GABRR2: variants seen among roughly 807,000 people sequenced by gnomAD.
GABRR2 encodes the protein gamma-aminobutyric acid receptor subunit rho-2.
GABRR2 carries 36 observed loss-of-function variants against 47.0 expected under a neutral mutation model. The ratio of observed to expected loss-of-function variants is 0.77; its 90% CI spans 0.59 to 1.01. The LOEUF is 1.01. Ranked by LOEUF, GABRR2 falls within the 50% of genes least tolerant of loss-of-function variation. The pLI is 0.00. For synonymous variants in GABRR2, 204 were observed against 227.5 expected (o/e 0.90, Z 0.93); for missense variants, 587 against 594.6 (o/e 0.99, Z 0.13).
At chr6:89,282,576 G>C (rs554163308) in intron 2 of GABRR2, among the ~76,000 whole-genome samples, 1 of 152,220 alleles carries the variant, frequency 6.6e-6, no homozygotes, top group Non-Finnish European at 1.5e-5. Context: ...ATGAAGATGC[G>C]ACTGTTTGTG....
chr6:89,261,133 C>T (rs1336893815), intron 8 of GABRR2, among the ~76,000 whole-genome samples: 1 of 152,164 alleles, frequency 6.6e-6, no homozygotes, highest in African/African-American at 2.4e-5. Flanking sequence ...CAAGTTGTGC[C>T]GGTGAACCGT....
chr6:89,308,288 G>T (rs1431453013), intron 1 of GABRR2, among the ~76,000 whole-genome samples: 1 of 152,130 alleles, frequency 6.6e-6, no homozygotes, highest in Non-Finnish European at 1.5e-5. Flanking sequence ...GCCTAAAGCT[G>T]CACTGATCAA....
At chr6:89,301,313 A>G (rs979153391) in intron 1 of GABRR2, among the ~76,000 whole-genome samples, 1 of 152,204 alleles carries the variant, frequency 6.6e-6, no homozygotes, top group Non-Finnish European at 1.5e-5. Context: ...GAAAACCAGC[A>G]CAAGACAAGG....
At chr6:89,273,391 C>A (rs572985476) in intron 2 of GABRR2, among the ~76,000 whole-genome samples, 1 of 152,316 alleles carries the variant, frequency 6.6e-6, no homozygotes, top group South Asian at 2.1e-4. Context: ...TGCCACCACA[C>A]CTGGCTAATT....
chr6:89,313,887 A>G (rs1767717880), intron 1 of GABRR2, among the ~76,000 whole-genome samples: 1 of 152,214 alleles, frequency 6.6e-6, no homozygotes, highest in South Asian at 2.1e-4. Context: ...ACTGCACTCC[A>G]GCCTGGGTGA....
chr6:89,279,974 C>T (rs1774228166), intron 2 of GABRR2, among the ~76,000 whole-genome samples: 1 of 151,946 alleles, frequency 6.6e-6, no homozygotes, highest in African/African-American at 2.4e-5. Context: ...CTTTGGGAGG[C>T]TGAGGCAGGT....
chr6:89,279,986 G>A (rs1301373219), intron 2 of GABRR2, among the ~76,000 whole-genome samples: 1 of 151,866 alleles, frequency 6.6e-6, no homozygotes, highest in East Asian at 1.9e-4. Flanking sequence ...GAGGCAGGTG[G>A]GGCACCTGAA....
chr6:89,271,902 C>T (rs1277374318), intron 2 of GABRR2, among the ~76,000 whole-genome samples, 180 bp from the exon 3 acceptor site: 3 of 152,254 alleles, frequency 2.0e-5, no homozygotes, highest in Non-Finnish European at 4.4e-5. Context: ...CTCTCCACAA[C>T]GTCAGGGACT....
rs1439849590 is a variant in GABRR2 at position 89,262,183 on chromosome 6, C to T, written c.1086+2229G>A. ...TCTTGATAGACCATCAATCATGGAC[C>T]AGTCCTGGTCAGTTTACAGAGGCTG... On this transcript the variant is annotated intron_variant, in intron 8 of 8. Coordinates refer to ENST00000402938, the MANE Select transcript of GABRR2 (RefSeq NM_002043.5). 2.0e-5 allele frequency among the ~76,000 whole-genome samples: 3 copies of T among 152,160 alleles called. No homozygotes were observed. In the East Asian group the frequency reaches 5.8e-4, roughly 29 times the overall value.
chr6:89,258,131 T>C (rs1399755794), intron 8 of GABRR2, 150 bp from the exon 9 acceptor site: 3 of 753,968 alleles, frequency 4.0e-6, no homozygotes, highest in Non-Finnish European at 6.3e-6. Flanking sequence ...CCAACGATCC[T>C]CTACCGTGGC....
chr6:89,281,858 G>C (rs1774258484), intron 2 of GABRR2, among the ~76,000 whole-genome samples: 1 of 152,116 alleles, frequency 6.6e-6, no homozygotes, highest in South Asian at 2.1e-4. Flanking sequence ...CTCCAGCAGG[G>C]AAATCCTCTC....
intron 1 of GABRR2, among the ~76,000 whole-genome samples, chr6:89,308,213 C>G (rs1200989963): frequency 3.9e-5 from 6 of 152,162 alleles, no homozygotes; most frequent in Admixed American, 1.3e-4. Flanking sequence ...TGGAGGCATC[C>G]TCTTATGAAA....
At chr6:89,260,515 G>A (rs1773721719) in intron 8 of GABRR2, among the ~76,000 whole-genome samples, 2 of 152,206 alleles carry the variant, frequency 1.3e-5, no homozygotes, top group African/African-American at 4.8e-5. Context: ...CTGAGGGGAG[G>A]TAAGCCCTGG....
At chr6:89,258,561 GT>G (rs60217207) in intron 8 of GABRR2, among the ~76,000 whole-genome samples, 66,353 of 143,738 alleles carry the variant, frequency 0.46, 15,669 homozygotes, top group African/African-American at 0.54. Flanking sequence ...AAAAAAAAAT[GT>G]TTTTTTTAAT....
At chr6:89,263,663 C>T (rs1582434426) in intron 8 of GABRR2, among the ~76,000 whole-genome samples, 1 of 152,134 alleles carries the variant, frequency 6.6e-6, no homozygotes, top group African/African-American at 2.4e-5. Context: ...GCTGGGATTA[C>T]AGGCGTGCAC....
intron 7 of GABRR2, among the ~76,000 whole-genome samples, chr6:89,265,016 A>G (rs1185999026): frequency 6.6e-6 from 1 of 152,100 alleles, no homozygotes; most frequent in African/African-American, 2.4e-5. Context: ...GCTGTGGAAG[A>G]CTGTGGAAAT....
chr6:89,300,060 C>G (rs1189603807), intron 1 of GABRR2, among the ~76,000 whole-genome samples, 195 bp from the exon 2 acceptor site: 4 of 152,200 alleles, frequency 2.6e-5, no homozygotes, highest in Non-Finnish European at 4.4e-5. Flanking sequence ...GACCTGAGGA[C>G]CAGGTTCTTC....
intron 1 of GABRR2, chr6:89,302,013 C>T (rs1767450769): frequency 1.7e-5 from 12 of 693,304 alleles, no homozygotes; most frequent in Non-Finnish European, 2.9e-5. Flanking sequence ...AGTGTCGGCT[C>T]GGGGCCTTTT....
chr6:89,276,865 C>T (rs1484328278), intron 2 of GABRR2, among the ~76,000 whole-genome samples: 1 of 152,004 alleles, frequency 6.6e-6, no homozygotes, highest in Non-Finnish European at 1.5e-5. Flanking sequence ...TTTAAAGTAT[C>T]ATTTATGAAA....
Sources: allele counts gnomAD v4.1 joint callset (sites outside exome capture counted in the v4.1 genomes callset), GRCh38; gene constraint gnomAD v4.1.1; transcripts MANE v1.5; gene names NCBI Gene and HGNC (gene_info 2026-07-23, HGNC 2026-07-21).